VPS52: variants seen among roughly 807,000 people sequenced by gnomAD.
VPS52 encodes the protein VPS52 subunit of GARP complex.
In VPS52, 56 loss-of-function variants were observed where a neutral mutation model predicts 98.7. The ratio of observed to expected loss-of-function variants is 0.57; its 90% CI spans 0.46 to 0.71. The LOEUF is 0.71. Among genes scored for constraint, VPS52 ranks in the 30% least tolerant of loss-of-function variants. VPS52 has a pLI of 0.00. For synonymous variants in VPS52, 348 were observed against 346.4 expected, an observed-to-expected ratio of 1.00 and a Z score of -0.05; for missense variants, 742 against 925.9, an observed-to-expected ratio of 0.80 and a Z score of 2.58.
In VPS52 at chr6:33,264,492, C is replaced by T; in HGVS notation, c.1406G>A (p.Trp469Ter). ...KRDVPALDRYWEQVLALLWPR... is the reference protein window; with the variant it reads ...KRDVPALDRY Reference sequence around the variant, plus strand: ...CCATAGCAAGGCAAGCACCTGTTCCCAGTACCTGTGGGCTTAATCAGAATC... The same window carrying T: ...CCATAGCAAGGCAAGCACCTGTTCCTAGTACCTGTGGGCTTAATCAGAATC... The change falls in exon 14 of 20, where the codon TGG becomes TAG. Residue 469 changes from tryptophan to a stop codon, truncating the protein, a stop_gained. Coordinates refer to ENST00000445902, the MANE Select transcript of VPS52 (RefSeq NM_022553.6). LOFTEE classifies it high-confidence loss of function. 1.2e-6 allele frequency: 2 copies of T among 1,614,108 alleles called. No homozygotes were observed. The highest frequency in any genetic ancestry group is 1.7e-6 in the Non-Finnish European group (2 of 1,180,022).
chr6:33,263,229 A>G (rs1198320062), intron 17 of VPS52, among the ~76,000 whole-genome samples: 1 of 144,594 alleles, frequency 6.9e-6, no homozygotes, highest in Non-Finnish European at 1.5e-5. Context: ...ATGCCACTGC[A>G]CTCCAGCCTG....
rs1254939408 is a variant in VPS52 at position 33,264,412 on chromosome 6, G to C, written c.1486C>G (p.Pro496Ala). The C allele has an allele frequency of 6.2e-7, 1 of 1,614,166 alleles. No individual in the cohort carries two copies. Among genetic ancestry groups the C allele is most frequent in the South Asian group, 1.1e-5 (1 of 91,088 alleles). ...MNVQSVRSTD[P>A]QRLGGLDTRP... ...GTATCCAACCCCCCTAGGCGCTGGG[G>C]GTCAGTGCTTCGGACGCTCTGAACA... The change falls in exon 14 of 20, where the codon CCC becomes GCC. Residue 496 changes from proline to alanine, a missense_variant. Transcript: ENST00000445902.
At chr6:33,265,771 C>T (rs1379625018) in intron 12 of VPS52, among the ~76,000 whole-genome samples, 2 of 152,262 alleles carry the variant, frequency 1.3e-5, no homozygotes, top group South Asian at 2.1e-4. Context: ...TCAGTTTTCA[C>T]GTGCTATTGC....
rs781535504 is a variant in VPS52 at position 33,268,201 on chromosome 6, G to T, written c.707C>A (p.Thr236Lys). The T allele has an allele frequency of 1.6e-5, 26 of 1,612,926 alleles. No homozygotes were observed. The highest frequency in any genetic ancestry group is 1.9e-5 in the Non-Finnish European group (23 of 1,180,034). ...VLDRLRVKAVTKIREFILQKI... is the reference protein window; with the variant it reads ...VLDRLRVKAVKKIREFILQKI... Reference sequence around the variant, plus strand: ...CTGGAGGATAAACTCTCGGATCTTCGTCACTGCCTAGATGTGGGGAACCAA... The same window carrying T: ...CTGGAGGATAAACTCTCGGATCTTCTTCACTGCCTAGATGTGGGGAACCAA... The change falls in exon 8 of 20, where the codon ACG becomes AAG. Residue 236 changes from threonine (T) to lysine (K), a missense_variant. This residue lies in a region of VPS52 where 590 missense variants were observed against 793.3 expected (regional missense o/e 0.74). Coordinates refer to ENST00000445902, the MANE Select transcript of VPS52 (RefSeq NM_022553.6). The surrounding 1 kb of genome is among the most constrained non-coding windows in gnomAD (Gnocchi z 4.0).
rs1765148597 is a variant in VPS52 at position 33,271,876 on chromosome 6, T to C, written c.-201A>G. Reference sequence around the variant, plus strand: ...AAATATGGAAGTCTGAAACACAAACTAGCCCCGGAACCTTCGCTGTTCTCT... The same window carrying C: ...AAATATGGAAGTCTGAAACACAAACCAGCCCCGGAACCTTCGCTGTTCTCT... On this transcript the variant is annotated 5_prime_UTR_variant, in exon 1 of 20. Transcript: ENST00000445902. The C allele has an allele frequency of 8.0e-7, 1 of 1,243,186 alleles. No homozygotes were observed. The highest frequency in any genetic ancestry group is 1.1e-6 in the Non-Finnish European group (1 of 921,094). 77.0% of individuals were successfully genotyped at this position (1,243,186 alleles called of 1,614,324 possible).
chr6:33,258,878 T>G (rs1306895073), intron 17 of VPS52, among the ~76,000 whole-genome samples: 2 of 152,140 alleles, frequency 1.3e-5, no homozygotes, highest in African/African-American at 4.8e-5. Context: ...AGCCGATTTT[T>G]AAAAGGTCAA....
rs975231226 is a variant in VPS52, at chr6:33,263,631, G to A, written c.1729-82C>T. 5 of 1,586,568 alleles carry A rather than the reference G, an allele frequency of 3.2e-6. No homozygotes were observed. The African/African-American group carries it at 4.0e-5, about 13-fold the overall frequency. ...ATGTCCCCTTCATTCCACACTTATT[G>A]TACTAAGCTGGACACTGTGCCAGAC... is the stretch of plus-strand genomic sequence containing the variant. On this transcript the variant is annotated intron_variant, in intron 16 of 19. Coordinates refer to ENST00000445902, the MANE Select transcript of VPS52 (RefSeq NM_022553.6).
intron 12 of VPS52, among the ~76,000 whole-genome samples, chr6:33,266,147 A>G (rs1012633831): frequency 6.8e-6 from 1 of 146,980 alleles, no homozygotes; most frequent in Non-Finnish European, 1.5e-5. Flanking sequence ...GGCGTAAGCC[A>G]CTGCACCTGG....
At chr6:33,261,607 G>T (rs976525334) in intron 17 of VPS52, among the ~76,000 whole-genome samples, 1 of 152,090 alleles carries the variant, frequency 6.6e-6, no homozygotes, top group Non-Finnish European at 1.5e-5. Context: ...TTAAATCTAA[G>T]ACCAAATTAT....
rs779106824 is a variant in VPS52, at chr6:33,267,638, C to A, written c.991+44G>T. ...TTGGTGGCTGGAGTCGAAAGTCCTC[C>A]CACTCTCAAGGCCTGGCATGAGGGT... On this transcript the variant is annotated intron_variant, in intron 10 of 19. Coordinates refer to ENST00000445902, the MANE Select transcript of VPS52 (RefSeq NM_022553.6). This position sits in a 1 kb window ranked among gnomAD's most constrained non-coding sequence, Gnocchi z 4.2. 3.7e-6 allele frequency: 6 copies of A among 1,609,750 alleles called. No homozygotes were observed. In the South Asian group the frequency reaches 6.6e-5, roughly 18 times the overall value.
chr6:33,264,640 G>T, intron 13 of VPS52, 142 bp downstream of exon 13: 2 of 1,427,718 alleles, frequency 1.4e-6, no homozygotes, highest in African/African-American at 1.4e-5. Context: ...GAGTCAAAAA[G>T]CAGCACTACT....
intron 17 of VPS52, among the ~76,000 whole-genome samples, chr6:33,262,198 A>T (rs564434308): frequency 2.6e-5 from 4 of 152,184 alleles, no homozygotes; most frequent in Admixed American, 2.0e-4. Context: ...TAATCCTATT[A>T]AAAAATGGGC....
At chr6:33,257,427 T>G (rs963015554) in intron 17 of VPS52, among the ~76,000 whole-genome samples, 20 of 150,296 alleles carry the variant, frequency 1.3e-4, no homozygotes, top group African/African-American at 4.9e-4. Flanking sequence ...TTAAACGGAG[T>G]CTCACTCTAT....
intron 17 of VPS52, among the ~76,000 whole-genome samples, chr6:33,259,589 C>T (rs753448188): frequency 3.3e-5 from 5 of 151,884 alleles, no homozygotes; most frequent in African/African-American, 4.8e-5. Context: ...CTCCAAAATC[C>T]GGAAGTTTTT....
At position 33,268,107 on chromosome 6, in the gene VPS52, C is replaced by T; in HGVS notation, c.800+1G>A. 1 of 1,613,076 alleles carries T rather than the reference C, an allele frequency of 6.2e-7. No homozygotes were observed. The highest frequency in any genetic ancestry group is 8.5e-7 in the Non-Finnish European group (1 of 1,180,050). On this transcript the variant is annotated splice_donor_variant, in intron 8 of 19. Coordinates refer to ENST00000445902, the MANE Select transcript of VPS52 (RefSeq NM_022553.6). LOFTEE classifies it high-confidence loss of function. The surrounding 1 kb of genome is among the most constrained non-coding windows in gnomAD (Gnocchi z 4.0). ...CCCATGCACTTCCTTGGGGTTGTGACCTGTACTTCAGCAGGGCCGTCTGGG... is the reference window on the plus strand; with the variant it reads ...CCCATGCACTTCCTTGGGGTTGTGATCTGTACTTCAGCAGGGCCGTCTGGG...
intron 17 of VPS52, among the ~76,000 whole-genome samples, chr6:33,261,544 C>G (rs1763635923): frequency 6.6e-6 from 1 of 151,432 alleles, no homozygotes; most frequent in Non-Finnish European, 1.5e-5. Flanking sequence ...AAGAATGAAA[C>G]TATACCCCTA....
Position 33,269,560 on chromosome 6 carries a change from G to C in VPS52, c.305-3C>G, listed in dbSNP as rs754816467. ...TATATTCTCACTCTCTTGAATATCT[G>C]ATCCACAAAAAGTCAAGGGGCCTCA... On this transcript the variant is annotated splice_region_variant and splice_polypyrimidine_tract_variant and intron_variant, in intron 4 of 19. Transcript: ENST00000445902. The C allele has an allele frequency of 2.5e-6, 4 of 1,606,814 alleles. No homozygotes were observed. The highest frequency in any genetic ancestry group is 3.4e-6 in the Non-Finnish European group (4 of 1,177,420).
intron 17 of VPS52, 38 bp from the exon 18 acceptor site, chr6:33,252,009 T>C (rs764628131): frequency 1.3e-6 from 2 of 1,578,772 alleles, no homozygotes; most frequent in Non-Finnish European, 1.7e-6. Context: ...GGTGTCCTGG[T>C]GTCAGCAGAT....
Position 33,267,230 on chromosome 6 carries a change from G to T in VPS52, c.1083C>A (p.Ala361=). 2 of 1,595,986 alleles carry T rather than the reference G, an allele frequency of 1.3e-6. No homozygotes were observed. The highest frequency in any genetic ancestry group is 2.7e-5 in the African/African-American group (2 of 74,132). ...GCGCTGTGTGAGGCACCAGGATGGG[G>T]GCCTCAAGTTCAGTGGGGGAGATGA... ...GSVISPTELE[A]PILVPHTAQR... The change falls in exon 11 of 20, where the codon GCC becomes GCA. Residue 361 remains alanine, a synonymous_variant. Coordinates refer to ENST00000445902, the MANE Select transcript of VPS52 (RefSeq NM_022553.6). This position sits in a 1 kb window ranked among gnomAD's most constrained non-coding sequence, Gnocchi z 4.2.
Sources: gnomAD v4.1 joint callset for allele counts (sites outside exome capture counted in the v4.1 genomes callset) on GRCh38, gnomAD v4.1.1 for gene constraint, gnomAD v4.1.1 regional missense constraint, Gnocchi (gnomAD v3.1) non-coding constraint, MANE v1.5 for transcripts, NCBI Gene and HGNC (gene_info 2026-07-23, HGNC 2026-07-21) for gene names.